The following MMS22L variants were observed in gnomAD, a reference collection of about 807,000 sequenced individuals.
MMS22L encodes MMS22 like, DNA repair protein.
MMS22L carries 74 observed loss-of-function variants against 159.1 expected under a neutral mutation model. The observed-to-expected ratio is 0.47, with a 90% CI of 0.39 to 0.56. The LOEUF is 0.56. Ranked by LOEUF, MMS22L falls within the 20% of genes least tolerant of loss-of-function variation. The pLI is 0.00. For missense variants in MMS22L, 1,351 were observed against 1,422.1 expected (o/e 0.95, Z 0.80); for synonymous variants, 517 against 506.9 (o/e 1.02, Z -0.27).
At chr6:97,196,493 T>C (rs1038692332) in intron 14 of MMS22L, among the ~76,000 whole-genome samples, 3 of 152,138 alleles carry the variant, frequency 2.0e-5, no homozygotes, top group Non-Finnish European at 4.4e-5. Flanking sequence ...ATAAGAACAA[T>C]GTAACTATAC....
At chr6:97,258,231 T>C (rs1016818439) in intron 9 of MMS22L, among the ~76,000 whole-genome samples, 3 of 152,236 alleles carry the variant, frequency 2.0e-5, no homozygotes, top group Non-Finnish European at 4.4e-5. Flanking sequence ...AAAATAAAGC[T>C]ATTTTAGCCT....
At chr6:97,245,850 GACAC>G (rs56380746) in intron 11 of MMS22L, 2,911 of 116,388 alleles carry the variant, frequency 0.025, 87 homozygotes, top group African/African-American at 0.084. Flanking sequence ...AGCTACTACA[GACAC>G]ACACACACAC....
At chr6:97,189,780 T>C (rs968481757) in intron 14 of MMS22L, among the ~76,000 whole-genome samples, 1 of 152,120 alleles carries the variant, frequency 6.6e-6, no homozygotes, top group Non-Finnish European at 1.5e-5. Flanking sequence ...CCCGGGAATA[T>C]GCAAAATGTT....
chr6:97,197,235 G>A (rs1418323701), intron 14 of MMS22L, among the ~76,000 whole-genome samples: 1 of 152,166 alleles, frequency 6.6e-6, no homozygotes, highest in Non-Finnish European at 1.5e-5. Context: ...TCTAAAAGAA[G>A]AGCAGAATGA....
chr6:97,270,229 T>C (rs1815581464), intron 6 of MMS22L: 2 of 598,300 alleles, frequency 3.3e-6, no homozygotes, highest in East Asian at 7.0e-5. Flanking sequence ...TTGGGGCTGC[T>C]GAATAGACTT....
intron 14 of MMS22L, among the ~76,000 whole-genome samples, chr6:97,226,391 T>C (rs2127990843): frequency 6.6e-6 from 1 of 152,274 alleles, no homozygotes; most frequent in African/African-American, 2.4e-5. Context: ...GGTCAGGAAT[T>C]CGAGACCAGC....
intron 15 of MMS22L, among the ~76,000 whole-genome samples, chr6:97,185,926 G>A (rs894456273): frequency 3.3e-5 from 5 of 151,858 alleles, no homozygotes; most frequent in Non-Finnish European, 7.4e-5. Flanking sequence ...ATATATATGC[G>A]CATATATTCA....
chr6:97,246,930 GA>G (rs1812712199), intron 10 of MMS22L, among the ~76,000 whole-genome samples: 1 of 150,242 alleles, frequency 6.7e-6, no homozygotes. Flanking sequence ...GCTTCAGTAA[GA>G]TTATAAATAT....
chr6:97,161,292 C>T (rs1802408212), intron 22 of MMS22L, among the ~76,000 whole-genome samples: 1 of 152,040 alleles, frequency 6.6e-6, no homozygotes, highest in Non-Finnish European at 1.5e-5. Context: ...CTTTGACTGT[C>T]CCTTTCCCTG....
In MMS22L at chr6:97,186,649, T is replaced by G. The variant is rs113263484; in HGVS notation, c.2081A>C (p.Asn694Thr). The G allele has an allele frequency of 6.3e-7, 1 of 1,585,714 alleles. No homozygotes were observed. The highest frequency in any genetic ancestry group is 8.6e-7 in the Non-Finnish European group (1 of 1,167,804). Reference protein sequence around the residue: ...QQLCQELQRDNVDLFVQSSLS... With the variant: ...QQLCQELQRDTVDLFVQSSLS... ...TGAAGACTGTACAAATAGGTCCACA[T>G]TGTCCCTTTGAAGTTCCTGACACAA... The change falls in exon 15 of 25, where the codon AAT becomes ACT. Residue 694 changes from asparagine to threonine, a missense_variant. Transcript: ENST00000683635.
At chr6:97,154,911 T>C (rs776590943) in intron 22 of MMS22L, among the ~76,000 whole-genome samples, 2 of 152,208 alleles carry the variant, frequency 1.3e-5, no homozygotes, top group Non-Finnish European at 1.5e-5. Flanking sequence ...TTTCTTCTTC[T>C]TTTTCCAAGA....
intron 16 of MMS22L, among the ~76,000 whole-genome samples, chr6:97,181,320 A>G (rs1231718773): frequency 6.6e-6 from 1 of 152,116 alleles, no homozygotes; most frequent in African/African-American, 2.4e-5. Flanking sequence ...TGACCACTCT[A>G]CACTATTTCT....
intron 19 of MMS22L, 56 bp from the exon 20 acceptor site, chr6:97,168,296 T>C (rs1803185885): frequency 6.6e-7 from 1 of 1,525,766 alleles, no homozygotes; most frequent in African/African-American, 1.4e-5. Context: ...CAGAACATTT[T>C]GTCACTTAAT....
intron 13 of MMS22L, among the ~76,000 whole-genome samples, chr6:97,230,103 T>C (rs551574486): frequency 3.1e-4 from 47 of 152,220 alleles, no homozygotes; most frequent in African/African-American, 1.1e-3. Flanking sequence ...GTTTTTTGTT[T>C]TTTGTTTTTT....
chr6:97,269,867 T>A (rs1815539932), intron 7 of MMS22L, 35 bp downstream of exon 7: 3 of 1,472,142 alleles, frequency 2.0e-6, no homozygotes. Context: ...AAGCTGATTT[T>A]AAAAAGAATA....
At chr6:97,270,321 C>A in intron 6 of MMS22L, 1 of 471,660 alleles carries the variant, frequency 2.1e-6, no homozygotes, top group Non-Finnish European at 4.2e-6. Flanking sequence ...CACGTATTTT[C>A]ATAATTTTGT....
chr6:97,199,551 A>C (rs1433386645), intron 14 of MMS22L, among the ~76,000 whole-genome samples: 2 of 152,056 alleles, frequency 1.3e-5, no homozygotes, highest in African/African-American at 4.8e-5. Flanking sequence ...TTGATAAATA[A>C]TTTTTCTAAA....
At position 97,242,760 on chromosome 6, in the gene MMS22L, T is replaced by C. The variant is rs1027795379; in HGVS notation, c.1182+3868A>G. On this transcript the variant is annotated intron_variant, in intron 11 of 24. Transcript: ENST00000683635. ...TTAGGTCTCCTTTCAGCAGTTCTTA[T>C]AGTGCTGGCTTGGTAGTGGCAAATT... Among the ~76,000 whole-genome samples the C allele has an allele frequency of 3.9e-5, 6 of 152,208 alleles. No individual in the cohort carries two copies. In the South Asian group the frequency reaches 6.2e-4, roughly 16 times the overall value.
chr6:97,268,042 A>T, intron 7 of MMS22L, 40 bp from the exon 8 acceptor site: 4 of 1,377,790 alleles, frequency 2.9e-6, no homozygotes, highest in Non-Finnish European at 3.9e-6. Flanking sequence ...TACAGATTTT[A>T]CTAAGTCAGA....
Sources: gnomAD v4.1 joint callset for allele counts (sites outside exome capture counted in the v4.1 genomes callset) on GRCh38, gnomAD v4.1.1 for gene constraint, MANE v1.5 for transcripts, NCBI Gene and HGNC (gene_info 2026-07-23, HGNC 2026-07-21) for gene names.